Variants in IPO11 observed in about 807,000 individuals in gnomAD.
IPO11 encodes the protein importin 11.
Under a neutral mutation model 143.2 loss-of-function variants are expected in IPO11, and 66 were observed. That is an observed-to-expected ratio of 0.46 (90% CI 0.38 to 0.57). The LOEUF (loss-of-function observed/expected upper bound fraction) is 0.57, where lower values mean the gene tolerates loss of function less well. Among genes scored for constraint, IPO11 ranks in the 20% least tolerant of loss-of-function variants. The probability of loss-of-function intolerance (pLI) is 0.00; values close to 1 mark genes in which losing one functional copy is unlikely to be tolerated. For missense variants in IPO11, 1,026 were observed against 1,141.0 expected, an observed-to-expected ratio of 0.90 and a Z score of 1.45; for synonymous variants, 385 against 377.8, an observed-to-expected ratio of 1.02 and a Z score of -0.22.
intron 29 of IPO11, among the ~76,000 whole-genome samples, chr5:62,608,400 G>A (rs568248890): frequency 6.6e-6 from 1 of 152,316 alleles, no homozygotes; most frequent in South Asian, 2.1e-4. Context: ...AGCTTCACAT[G>A]TTCTTTTGGT....
At chr5:62,499,020 G>A (rs1020761658) in intron 16 of IPO11, among the ~76,000 whole-genome samples, 8 of 152,182 alleles carry the variant, frequency 5.3e-5, no homozygotes, top group Non-Finnish European at 4.4e-5. Flanking sequence ...ATCAGAAAGC[G>A]TGTAGTTTGA....
intron 5 of IPO11, among the ~76,000 whole-genome samples, chr5:62,466,185 G>A (rs1177939165): frequency 6.6e-6 from 1 of 152,180 alleles, no homozygotes; most frequent in African/African-American, 2.4e-5. Context: ...GATTAACTGA[G>A]GTTCAAGCCT....
chr5:62,417,321 ATTTTTTTT>A (rs34767317), intron 1 of IPO11, among the ~76,000 whole-genome samples: 3 of 65,330 alleles, frequency 4.6e-5, no homozygotes, highest in South Asian at 4.9e-4. Context: ...TTATTGGTTA[ATTTTTTTT>A]TTTTTTTTTT....
At chr5:62,470,417 T>G in intron 7 of IPO11, 109 bp downstream of exon 7, 1 of 945,954 alleles carries the variant, frequency 1.1e-6, no homozygotes, top group South Asian at 1.4e-5. Context: ...TTTTATTAAG[T>G]GACCATCTAG....
intron 11 of IPO11, 103 bp from the exon 12 acceptor site, chr5:62,485,316 A>T (rs1746359270): frequency 3.4e-6 from 3 of 871,418 alleles, no homozygotes; most frequent in Non-Finnish European, 1.9e-6. Flanking sequence ...TCTTAATGTT[A>T]TGTTTAAAAG....
At chr5:62,423,081 G>C (rs1219818167) in intron 1 of IPO11, among the ~76,000 whole-genome samples, 1 of 152,114 alleles carries the variant, frequency 6.6e-6, no homozygotes, top group Non-Finnish European at 1.5e-5. Flanking sequence ...TTGTTGGCTT[G>C]ATATGCTCCA....
chr5:62,522,220 G>C (rs1010602956), intron 20 of IPO11, among the ~76,000 whole-genome samples: 1 of 151,712 alleles, frequency 6.6e-6, no homozygotes, highest in Non-Finnish European at 1.5e-5. Context: ...ATTTAGGAGC[G>C]GACACTAAAA....
chr5:62,553,036 A>G (rs1053647090), intron 26 of IPO11, among the ~76,000 whole-genome samples: 1 of 152,324 alleles, frequency 6.6e-6, no homozygotes, highest in Admixed American at 6.5e-5. Context: ...AGTGCTATAT[A>G]GAACACTAGA....
At chr5:62,515,343 T>A (rs759114129) in intron 19 of IPO11, 45 bp from the exon 20 acceptor site, 1 of 1,362,586 alleles carries the variant, frequency 7.3e-7, no homozygotes, top group Non-Finnish European at 1.0e-6. Context: ...AATTGCCTTC[T>A]TTACCAATAA....
chr5:62,617,415 A>G (rs1580394317), intron 29 of IPO11, among the ~76,000 whole-genome samples: 2 of 152,224 alleles, frequency 1.3e-5, no homozygotes, highest in African/African-American at 4.8e-5. Flanking sequence ...ACAAACAGGA[A>G]TATTAATTAT....
At chr5:62,595,558 G>A (rs541609553) in intron 28 of IPO11, among the ~76,000 whole-genome samples, 2 of 152,128 alleles carry the variant, frequency 1.3e-5, no homozygotes, top group East Asian at 3.9e-4. Context: ...CCCTTCTAAT[G>A]ATCCCTCTTT....
chr5:62,528,192 G>C (rs1346530353), intron 21 of IPO11, among the ~76,000 whole-genome samples: 2 of 152,196 alleles, frequency 1.3e-5, no homozygotes, highest in Non-Finnish European at 1.5e-5. Flanking sequence ...TACTTATATA[G>C]TAGGAAAACC....
At chr5:62,425,419 G>T (rs960582227) in intron 1 of IPO11, among the ~76,000 whole-genome samples, 2 of 152,178 alleles carry the variant, frequency 1.3e-5, no homozygotes, top group African/African-American at 4.8e-5. Context: ...CTGGGTTCAG[G>T]CGATTCTCCT....
chr5:62,438,683 C>T (rs769409279), intron 2 of IPO11, among the ~76,000 whole-genome samples: 83 of 150,406 alleles, frequency 5.5e-4, no homozygotes, highest in Middle Eastern at 3.4e-3. Flanking sequence ...ACTCAGGAGG[C>T]GGAGGTTGCA....
chr5:62,618,968 C>T (rs116678334), intron 29 of IPO11, among the ~76,000 whole-genome samples: 5 of 152,200 alleles, frequency 3.3e-5, no homozygotes, highest in East Asian at 1.9e-4. Flanking sequence ...GGGTGGCTTA[C>T]GCCTGTAATG....
At chr5:62,495,216 G>A (rs1741094190) in intron 16 of IPO11, among the ~76,000 whole-genome samples, 1 of 151,954 alleles carries the variant, frequency 6.6e-6, no homozygotes. Flanking sequence ...AGAGCCTTGT[G>A]GTATTTTACT....
chr5:62,443,209 G>A, intron 3 of IPO11, 126 bp downstream of exon 3: 1 of 548,120 alleles, frequency 1.8e-6, no homozygotes, highest in South Asian at 3.1e-5. Flanking sequence ...ACTAAAATTG[G>A]AGCAATACAG....
chr5:62,622,360 A>T lies in IPO11; in HGVS notation c.2764-4794A>T, dbSNP rs1490883561. Among the ~76,000 whole-genome samples, 5 of 152,170 alleles carry T rather than the reference A, an allele frequency of 3.3e-5. No individual in the cohort carries two copies. The East Asian group carries it at 9.6e-4, about 29-fold the overall frequency. On this transcript the variant is annotated intron_variant, in intron 29 of 29. Coordinates refer to ENST00000325324, the MANE Select transcript of IPO11 (RefSeq NM_016338.5). ...GCTGCCAAGTGAAGAACTATTGTAT[A>T]AAGATTTGTTGTGACTTTGCTGAGG...
intron 29 of IPO11, among the ~76,000 whole-genome samples, chr5:62,615,243 C>G (rs1746087748): frequency 1.3e-5 from 2 of 152,142 alleles, no homozygotes; most frequent in African/African-American, 2.4e-5. Flanking sequence ...CCCAGTATTT[C>G]CGTTTTCTGT....
Sources: allele counts gnomAD v4.1 joint callset (sites outside exome capture counted in the v4.1 genomes callset), GRCh38; gene constraint gnomAD v4.1.1; transcripts MANE v1.5; gene names NCBI Gene and HGNC (gene_info 2026-07-23, HGNC 2026-07-21).